ZNF385D: variants seen among roughly 807,000 people sequenced by gnomAD.
ZNF385D encodes the protein zinc finger protein 385D.
Under a neutral mutation model 35.8 loss-of-function variants are expected in ZNF385D, and 15 were observed. The observed-to-expected ratio is 0.42, with a 90% CI of 0.28 to 0.64. ZNF385D has a LOEUF of 0.64. Among genes scored for constraint, ZNF385D ranks in the 30% least tolerant of loss-of-function variants. The pLI, the probability that ZNF385D is intolerant of heterozygous loss-of-function variation, is 0.23. For missense variants in ZNF385D, 474 were observed against 494.6 expected, an observed-to-expected ratio of 0.96 and a Z score of 0.39; for synonymous variants, 212 against 186.8, an observed-to-expected ratio of 1.13 and a Z score of -1.10.
At chr3:22,212,722 C>T (rs1237873699) in intron 2 of ZNF385D, among the ~76,000 whole-genome samples, 1 of 151,902 alleles carries the variant, frequency 6.6e-6, no homozygotes, top group African/African-American at 2.4e-5. Context: ...AGCATAAAGC[C>T]TGTTTTTAAA....
chr3:21,921,362 G>C (rs920593596), intron 3 of ZNF385D, among the ~76,000 whole-genome samples: 14 of 151,926 alleles, frequency 9.2e-5, no homozygotes, highest in African/African-American at 3.4e-4. Context: ...ATTAACTATA[G>C]AAATTGATGC....
chr3:22,072,584 T>G (rs914602410), intron 3 of ZNF385D, among the ~76,000 whole-genome samples: 2 of 151,880 alleles, frequency 1.3e-5, no homozygotes, highest in African/African-American at 4.8e-5. Flanking sequence ...GATTTTCAAA[T>G]TTAAGGTATA....
intron 3 of ZNF385D, among the ~76,000 whole-genome samples, chr3:22,160,273 C>T (rs1389698731): frequency 6.6e-6 from 1 of 152,026 alleles, no homozygotes; most frequent in African/African-American, 2.4e-5. Flanking sequence ...AAAGAAGTTA[C>T]CATTATGAAA....
At chr3:21,447,133 C>T (rs961089706) in intron 4 of ZNF385D, among the ~76,000 whole-genome samples, 1 of 152,114 alleles carries the variant, frequency 6.6e-6, no homozygotes. Flanking sequence ...TTGAGTGGGT[C>T]TGGCTATTGT....
At chr3:21,858,028 G>A (rs547376629) in intron 3 of ZNF385D, among the ~76,000 whole-genome samples, 6 of 151,870 alleles carry the variant, frequency 4.0e-5, no homozygotes, top group Non-Finnish European at 8.8e-5. Context: ...TGGTCATGGT[G>A]GCACAAGCCT....
intron 4 of ZNF385D, among the ~76,000 whole-genome samples, chr3:21,481,281 T>G (rs1704610848): frequency 6.6e-6 from 1 of 152,192 alleles, no homozygotes. Context: ...AAAAGTCCAA[T>G]TCTTAATACA....
At chr3:22,221,815 A>G (rs1051454990) in intron 2 of ZNF385D, among the ~76,000 whole-genome samples, 3 of 149,778 alleles carry the variant, frequency 2.0e-5, no homozygotes, top group African/African-American at 7.6e-5. Context: ...TTGTGTGGTT[A>G]AGTTTTGTCT....
At chr3:21,709,146 T>C (rs2068010316) in intron 1 of ZNF385D, among the ~76,000 whole-genome samples, 1 of 152,164 alleles carries the variant, frequency 6.6e-6, no homozygotes, top group African/African-American at 2.4e-5. Flanking sequence ...ATTATATATT[T>C]TACATGAGTA....
intron 1 of ZNF385D, among the ~76,000 whole-genome samples, chr3:21,700,439 A>C (rs1016593865): frequency 7.2e-5 from 11 of 152,240 alleles, no homozygotes; most frequent in African/African-American, 2.7e-4. Flanking sequence ...GGACTTATAT[A>C]GATAAGCATT....
At chr3:21,880,006 G>C (rs1239952579) in intron 3 of ZNF385D, among the ~76,000 whole-genome samples, 1 of 151,864 alleles carries the variant, frequency 6.6e-6, no homozygotes, top group Non-Finnish European at 1.5e-5. Flanking sequence ...CATCATTAAA[G>C]CTAATAAATG....
At chr3:21,824,505 A>G (rs957421864) in intron 3 of ZNF385D, among the ~76,000 whole-genome samples, 5 of 152,156 alleles carry the variant, frequency 3.3e-5, no homozygotes, top group East Asian at 1.9e-4. Flanking sequence ...ATTTATGTAC[A>G]TATGTCTGTA....
intron 2 of ZNF385D, among the ~76,000 whole-genome samples, chr3:21,599,168 C>T (rs1425513402): frequency 6.6e-6 from 1 of 152,180 alleles, no homozygotes; most frequent in East Asian, 1.9e-4. Context: ...GACATCCAGT[C>T]CTCTCGGCAA....
At chr3:22,094,661 G>A (rs1224787417) in intron 3 of ZNF385D, among the ~76,000 whole-genome samples, 1 of 151,914 alleles carries the variant, frequency 6.6e-6, no homozygotes, top group African/African-American at 2.4e-5. Flanking sequence ...ACTGCCCAGA[G>A]AGGAGCCCTG....
In ZNF385D at chr3:22,117,221, T is replaced by A. The variant is rs115683807; in HGVS notation, c.325+51596A>T. ...TTTTAAATTATTACAAGTAGAAGTGTGCTTTGGCTCTCATAGGATTTGGGC... is the reference window on the plus strand; with the variant it reads ...TTTTAAATTATTACAAGTAGAAGTGAGCTTTGGCTCTCATAGGATTTGGGC... On this transcript the variant is annotated intron_variant, in intron 3 of 5. Transcript: ENST00000494108. Among the ~76,000 whole-genome samples, 950 of 152,156 alleles carry A rather than the reference T, an allele frequency of 6.2e-3. 6 individuals carry two copies. Among genetic ancestry groups the A allele is most frequent in the African/African-American group, 0.02 (843 of 41,548 alleles).
intron 4 of ZNF385D, among the ~76,000 whole-genome samples, chr3:21,486,113 G>A (rs1441779715): frequency 5.1e-5 from 7 of 137,348 alleles, no homozygotes; most frequent in East Asian, 2.0e-4. Context: ...GAAGTTGGCC[G>A]TCTCTGAAAA....
intron 3 of ZNF385D, among the ~76,000 whole-genome samples, chr3:22,135,114 C>A (rs1213875814): frequency 1.3e-5 from 2 of 152,092 alleles, no homozygotes; most frequent in East Asian, 3.9e-4. Context: ...CAGTCCTATT[C>A]AACAGCATAC....
chr3:22,097,527 G>C (rs567998404), intron 3 of ZNF385D, among the ~76,000 whole-genome samples: 1 of 152,148 alleles, frequency 6.6e-6, no homozygotes, highest in South Asian at 2.1e-4. Context: ...TATTCCTAAT[G>C]AATGCAAGAT....
At chr3:21,975,734 T>C (rs1444290719) in intron 3 of ZNF385D, among the ~76,000 whole-genome samples, 20 of 12,450 alleles carry the variant, frequency 1.6e-3, no homozygotes, top group African/African-American at 0.011. Flanking sequence ...TATATATATA[T>C]ATATATATAT....
At chr3:22,211,303 A>C (rs1697507236) in intron 2 of ZNF385D, among the ~76,000 whole-genome samples, 1 of 151,938 alleles carries the variant, frequency 6.6e-6, no homozygotes, top group South Asian at 2.1e-4. Flanking sequence ...CTGGAAAAGC[A>C]AAAAATGTTC....
Sources: allele counts gnomAD v4.1 joint callset (sites outside exome capture counted in the v4.1 genomes callset), GRCh38; gene constraint gnomAD v4.1.1; transcripts MANE v1.5; gene names NCBI Gene and HGNC (gene_info 2026-07-23, HGNC 2026-07-21).